The following INPP4B variants were observed in gnomAD, a reference collection of about 807,000 sequenced individuals.
INPP4B encodes the protein inositol polyphosphate 4-phosphatase type II.
In INPP4B, 55 loss-of-function variants were observed where a neutral mutation model predicts 122.5. That is an observed-to-expected ratio of 0.45 (90% confidence interval 0.36 to 0.56). The LOEUF is 0.56. Among genes scored for constraint, INPP4B ranks in the 20% least tolerant of loss-of-function variants. The probability of loss-of-function intolerance (pLI) is 0.00; values close to 1 mark genes in which losing one functional copy is unlikely to be tolerated. For synonymous variants in INPP4B, 403 were observed against 388.7 expected (o/e 1.04, Z -0.43); for missense variants, 1,000 against 1,097.7 (o/e 0.91, Z 1.26).
chr4:142,331,536 T>C (rs1030375571), intron 7 of INPP4B, among the ~76,000 whole-genome samples: 1 of 152,196 alleles, frequency 6.6e-6, no homozygotes, highest in African/African-American at 2.4e-5. Context: ...ACATGCCAGA[T>C]GATATGATAA....
At chr4:142,305,349 G>T in intron 9 of INPP4B, 109 bp downstream of exon 9, 1 of 783,500 alleles carries the variant, frequency 1.3e-6, no homozygotes, top group Non-Finnish European at 2.1e-6. Flanking sequence ...AGCTATTTGA[G>T]AACTGACATC....
At chr4:142,356,568 A>G (rs905299214) in intron 7 of INPP4B, among the ~76,000 whole-genome samples, 3 of 151,824 alleles carry the variant, frequency 2.0e-5, no homozygotes, top group Non-Finnish European at 4.4e-5. Flanking sequence ...GTAAGGTTTC[A>G]GTTGTGAAGT....
rs1198931171 is a variant in INPP4B at position 142,698,295 on chromosome 4, GA to G, written c.-191+27543del. 2.3e-4 allele frequency among the ~76,000 whole-genome samples: 35 copies of G among 150,168 alleles called. 1 individual carries two copies. The highest frequency in any genetic ancestry group is 3.5e-3 in the Middle Eastern group (1 of 288). On this transcript the variant is annotated intron_variant, in intron 2 of 25. Coordinates refer to ENST00000262992, the MANE Select transcript of INPP4B (RefSeq NM_001101669.3). ...GAGTTTTCATAAATTATTTCTCATAGAAAAAAAGACATACGAGATTAATTTT... is the reference window on the plus strand; with the variant it reads ...GAGTTTTCATAAATTATTTCTCATAGAAAAAAGACATACGAGATTAATTTT...
intron 9 of INPP4B, among the ~76,000 whole-genome samples, chr4:142,275,448 T>C (rs935083291): frequency 6.6e-6 from 1 of 151,736 alleles, no homozygotes; most frequent in Non-Finnish European, 1.5e-5. Flanking sequence ...CTAGGAGACA[T>C]GCCCTGCATT....
At chr4:142,209,817 A>AAAAT (rs33974155) in intron 12 of INPP4B, among the ~76,000 whole-genome samples, 2 of 149,898 alleles carry the variant, frequency 1.3e-5, no homozygotes, top group African/African-American at 2.5e-5. Flanking sequence ...AAAAAAAAAA[A>AAAAT]GCCCAGATAA....
intron 16 of INPP4B, among the ~76,000 whole-genome samples, chr4:142,169,712 G>C (rs1824600210): frequency 6.6e-6 from 1 of 151,576 alleles, no homozygotes; most frequent in African/African-American, 2.4e-5. Flanking sequence ...TACAATAAAA[G>C]CCATTATTTA....
At chr4:142,607,443 A>G (rs886794403) in intron 2 of INPP4B, among the ~76,000 whole-genome samples, 1 of 152,104 alleles carries the variant, frequency 6.6e-6, no homozygotes, top group African/African-American at 2.4e-5. Context: ...ATGTATATGT[A>G]GCTTTACATG....
At chr4:142,782,632 T>A (rs1775055830) in intron 1 of INPP4B, among the ~76,000 whole-genome samples, 1 of 151,954 alleles carries the variant, frequency 6.6e-6, no homozygotes, top group Admixed American at 6.6e-5. Context: ...CTCCACATCC[T>A]CTCCAGCACC....
intron 25 of INPP4B, among the ~76,000 whole-genome samples, chr4:142,068,225 C>A (rs1764784663): frequency 6.6e-6 from 1 of 152,116 alleles, no homozygotes; most frequent in Admixed American, 6.6e-5. Context: ...CATATCCAGC[C>A]AAACTAAGCT....
chr4:142,655,364 C>G (rs1182459034), intron 2 of INPP4B, among the ~76,000 whole-genome samples: 1 of 152,110 alleles, frequency 6.6e-6, no homozygotes, highest in Admixed American at 6.5e-5. Flanking sequence ...AGTGAGTCCT[C>G]TTTGTGTTAT....
chr4:142,729,007 C>T (rs935696103), intron 1 of INPP4B, among the ~76,000 whole-genome samples: 2 of 152,050 alleles, frequency 1.3e-5, no homozygotes, highest in Non-Finnish European at 2.9e-5. Context: ...GGCACCAGGA[C>T]AATTTTTTCT....
At chr4:142,594,880 A>G (rs1292516378) in intron 2 of INPP4B, among the ~76,000 whole-genome samples, 1 of 147,720 alleles carries the variant, frequency 6.8e-6, no homozygotes, top group Non-Finnish European at 1.5e-5. Context: ...GCTTGAATCC[A>G]GGAGGAGGAG....
intron 25 of INPP4B, among the ~76,000 whole-genome samples, chr4:142,035,857 T>C (rs336346): frequency 0.85 from 129,499 of 152,080 alleles, 56,921 homozygotes; most frequent in Non-Finnish European, 0.97. Flanking sequence ...GGCTCAGTCA[T>C]AGAACATGCA....
chr4:142,117,582 T>C (rs1794270994), intron 21 of INPP4B, among the ~76,000 whole-genome samples: 1 of 152,138 alleles, frequency 6.6e-6, no homozygotes, highest in Non-Finnish European at 1.5e-5. Flanking sequence ...TCTCAATAGA[T>C]GCAGAAAAGG....
At chr4:142,809,688 C>T (rs1263570414) in intron 1 of INPP4B, among the ~76,000 whole-genome samples, 1 of 152,144 alleles carries the variant, frequency 6.6e-6, no homozygotes. Context: ...TGTATCAGAG[C>T]TTATTTAACA....
intron 3 of INPP4B, among the ~76,000 whole-genome samples, chr4:142,435,838 C>CA: frequency 6.6e-6 from 1 of 152,230 alleles, no homozygotes; most frequent in South Asian, 2.1e-4. Context: ...ACCACAGAGC[C>CA]ATGCAGATTC....
intron 2 of INPP4B, among the ~76,000 whole-genome samples, chr4:142,685,624 T>C (rs1015463617): frequency 1.3e-5 from 2 of 152,070 alleles, no homozygotes; most frequent in Non-Finnish European, 2.9e-5. Flanking sequence ...GCCAGTCACG[T>C]TGGCTTACAC....
intron 11 of INPP4B, among the ~76,000 whole-genome samples, chr4:142,255,111 A>T (rs1249977048): frequency 1.3e-5 from 2 of 152,024 alleles, no homozygotes; most frequent in Admixed American, 1.3e-4. Context: ...ACTAAGCTTC[A>T]TAAGTGAAGG....
chr4:142,386,738 A>G (rs1337823466), intron 7 of INPP4B, among the ~76,000 whole-genome samples: 1 of 152,124 alleles, frequency 6.6e-6, no homozygotes, highest in Non-Finnish European at 1.5e-5. Flanking sequence ...ATCTCTCTAA[A>G]TCTACTGTGA....
Sources: gnomAD v4.1 joint callset for allele counts (sites outside exome capture counted in the v4.1 genomes callset) on GRCh38, gnomAD v4.1.1 for gene constraint, MANE v1.5 for transcripts, NCBI Gene and HGNC (gene_info 2026-07-23, HGNC 2026-07-21) for gene names.